The following CDK14 variants were observed in gnomAD, a reference collection of about 807,000 sequenced individuals.
CDK14 encodes the protein cyclin dependent kinase 14.
Under a neutral mutation model 60.7 loss-of-function variants are expected in CDK14, and 34 were observed. The ratio of observed to expected loss-of-function variants is 0.56; its 90% confidence interval spans 0.43 to 0.75. The LOEUF is 0.75. Ranked by LOEUF, CDK14 falls within the 30% of genes least tolerant of loss-of-function variation. The pLI is 0.00. For synonymous variants in CDK14, 197 were observed against 203.7 expected, an observed-to-expected ratio of 0.97 and a Z score of 0.28; for missense variants, 482 against 564.1, an observed-to-expected ratio of 0.85 and a Z score of 1.47.
chr7:91,043,059 G>T (rs1249136801), intron 10 of CDK14, among the ~76,000 whole-genome samples: 2 of 152,182 alleles, frequency 1.3e-5, no homozygotes, highest in Non-Finnish European at 2.9e-5. Flanking sequence ...ACAGTTTGAG[G>T]TCTGGAATCT....
At chr7:90,602,111 A>G (rs1415580512) in intron 1 of CDK14, among the ~76,000 whole-genome samples, 1 of 152,168 alleles carries the variant, frequency 6.6e-6, no homozygotes, top group African/African-American at 2.4e-5. Flanking sequence ...CTGGTGGGGT[A>G]GTGTCAACTG....
intron 2 of CDK14, among the ~76,000 whole-genome samples, chr7:90,630,881 G>GGT (rs1160442832): frequency 6.3e-5 from 5 of 78,836 alleles, no homozygotes; most frequent in South Asian, 5.0e-4. Flanking sequence ...TACATCTTGG[G>GGT]GTGTGTATGT....
At chr7:90,689,305 A>G (rs994980125) in intron 2 of CDK14, among the ~76,000 whole-genome samples, 8 of 152,166 alleles carry the variant, frequency 5.3e-5, no homozygotes, top group Admixed American at 3.3e-4. Context: ...TTTTCTTTTT[A>G]TCTGGTACAG....
intron 4 of CDK14, among the ~76,000 whole-genome samples, chr7:90,766,796 G>A (rs768805865): frequency 2.0e-5 from 3 of 152,080 alleles, no homozygotes; most frequent in Non-Finnish European, 4.4e-5. Context: ...GTTTTATTCA[G>A]CAGCTCTCTC....
intron 2 of CDK14, among the ~76,000 whole-genome samples, chr7:90,701,336 C>CA (rs539391856): frequency 1.3e-5 from 2 of 152,282 alleles, no homozygotes; most frequent in Non-Finnish European, 2.9e-5. Context: ...ACTAATTGGT[C>CA]AAAGCATTCA....
chr7:90,735,869 G>A (rs1803078332), intron 3 of CDK14, among the ~76,000 whole-genome samples: 1 of 152,176 alleles, frequency 6.6e-6, no homozygotes, highest in Non-Finnish European at 1.5e-5. Flanking sequence ...TGCCACTGGG[G>A]TATGAAAAAT....
At chr7:90,969,673 G>A (rs781146234) in intron 9 of CDK14, among the ~76,000 whole-genome samples, 9 of 152,130 alleles carry the variant, frequency 5.9e-5, no homozygotes, top group Admixed American at 1.3e-4. Flanking sequence ...GAGAAGGGCC[G>A]TTATTGGTAG....
intron 6 of CDK14, among the ~76,000 whole-genome samples, chr7:90,866,083 A>G (rs1009796511): frequency 2.6e-5 from 4 of 152,144 alleles, no homozygotes; most frequent in Non-Finnish European, 4.4e-5. Context: ...TATAGTTTGA[A>G]TAAGTTTTGT....
chr7:90,724,743 T>C (rs1321340943), intron 2 of CDK14, among the ~76,000 whole-genome samples: 2 of 152,086 alleles, frequency 1.3e-5, no homozygotes, highest in African/African-American at 4.8e-5. Flanking sequence ...GTAATTTGAT[T>C]TCAACGTGCC....
chr7:90,919,887 T>G (rs1367896209), intron 8 of CDK14, among the ~76,000 whole-genome samples: 2 of 152,242 alleles, frequency 1.3e-5, no homozygotes, highest in Non-Finnish European at 2.9e-5. Context: ...TTGAGTGTTT[T>G]AAAGCATTTG....
intron 5 of CDK14, among the ~76,000 whole-genome samples, chr7:90,838,838 G>A (rs1277114675): frequency 6.6e-6 from 1 of 152,148 alleles, no homozygotes; most frequent in Non-Finnish European, 1.5e-5. Context: ...ACCCTCATCA[G>A]TAATTCTAAT....
chr7:90,780,261 T>C lies in CDK14; in HGVS notation c.465-10312T>C, dbSNP rs1168181281. 2.6e-5 allele frequency among the ~76,000 whole-genome samples: 4 copies of C among 152,070 alleles called. No homozygotes were observed. In the East Asian group the frequency reaches 7.7e-4, roughly 29 times the overall value. The stretch of plus-strand genomic sequence containing the variant: ...AATATTTAATTATACTGAGGTACAG[T>C]GTATATGAAAGGGTATGAAAGGGAA... On this transcript the variant is annotated intron_variant, in intron 4 of 14. Coordinates refer to ENST00000380050, the MANE Select transcript of CDK14 (RefSeq NM_001287135.2).
At chr7:91,020,905 T>C (rs976785298) in intron 10 of CDK14, among the ~76,000 whole-genome samples, 1 of 152,164 alleles carries the variant, frequency 6.6e-6, no homozygotes, top group African/African-American at 2.4e-5. Context: ...CCTCTTTCAA[T>C]CTCATGCAGT....
rs554306481 is a variant in CDK14, at chr7:90,809,814, G to A, written c.544+19162G>A. On this transcript the variant is annotated intron_variant, in intron 5 of 14. Coordinates refer to ENST00000380050, the MANE Select transcript of CDK14 (RefSeq NM_001287135.2). ...TCACCACCAATCCCACAGAAATGCA[G>A]ACTACCATCAGAGAATACTATGAAC... is the stretch of plus-strand genomic sequence containing the variant. Among the ~76,000 whole-genome samples the A allele has an allele frequency of 1.2e-4, 19 of 152,210 alleles. No individual in the cohort carries two copies. In the South Asian group the frequency reaches 3.9e-3, roughly 32 times the overall value.
At chr7:91,187,511 T>C (rs1802227012) in intron 14 of CDK14, among the ~76,000 whole-genome samples, 1 of 152,186 alleles carries the variant, frequency 6.6e-6, no homozygotes, top group African/African-American at 2.4e-5. Flanking sequence ...TATGAAGTGA[T>C]CCCTGAATGC....
intron 5 of CDK14, among the ~76,000 whole-genome samples, chr7:90,843,351 A>C (rs994824534): frequency 6.6e-6 from 1 of 152,198 alleles, no homozygotes; most frequent in African/African-American, 2.4e-5. Context: ...GATTTTTAAA[A>C]AATTTTGCAG....
chr7:90,822,524 T>G (rs1169960188), intron 5 of CDK14, among the ~76,000 whole-genome samples: 4 of 152,136 alleles, frequency 2.6e-5, no homozygotes, highest in African/African-American at 9.7e-5. Context: ...GTTCACTTCT[T>G]GTCCTGATGC....
At chr7:90,704,285 A>G (rs1801848538) in intron 2 of CDK14, among the ~76,000 whole-genome samples, 1 of 152,176 alleles carries the variant, frequency 6.6e-6, no homozygotes, top group South Asian at 2.1e-4. Context: ...TTAATTTCCA[A>G]CTTAGATGAA....
intron 3 of CDK14, among the ~76,000 whole-genome samples, chr7:90,738,641 C>A (rs1255698531): frequency 6.6e-6 from 1 of 152,088 alleles, no homozygotes; most frequent in Non-Finnish European, 1.5e-5. Flanking sequence ...TCTGTATTTC[C>A]ACGTCTCTAA....
Sources: allele counts gnomAD v4.1 joint callset (sites outside exome capture counted in the v4.1 genomes callset), GRCh38; gene constraint gnomAD v4.1.1; transcripts MANE v1.5; gene names NCBI Gene and HGNC (gene_info 2026-07-23, HGNC 2026-07-21).